The following AFF4 variants were observed in gnomAD, a reference collection of about 807,000 sequenced individuals.
The protein encoded by AFF4 is AF4/FMR2 family member 4.
Under a neutral mutation model 124.8 loss-of-function variants are expected in AFF4, and 13 were observed. The observed-to-expected ratio is 0.10, with a 90% CI of 0.07 to 0.17. The LOEUF is 0.17. AFF4 is among the 10% of genes least tolerant of loss of function. The probability of loss-of-function intolerance (pLI) is 1.00; values close to 1 mark genes in which losing one functional copy is unlikely to be tolerated. For missense variants in AFF4, 1,092 were observed against 1,403.8 expected (o/e 0.78, Z 3.55); for synonymous variants, 477 against 496.1 (o/e 0.96, Z 0.51).
At chr5:132,916,913 G>A (rs960635241) in intron 5 of AFF4, among the ~76,000 whole-genome samples, 7 of 151,774 alleles carry the variant, frequency 4.6e-5, no homozygotes, top group East Asian at 1.9e-4. Flanking sequence ...TTTAACCAAC[G>A]TTTTTTGTTT....
intron 5 of AFF4, among the ~76,000 whole-genome samples, chr5:132,926,001 G>A (rs66500331): frequency 0.12 from 17,545 of 152,096 alleles, 1,286 homozygotes; most frequent in South Asian, 0.2. Context: ...ATACCAAAGA[G>A]AAATGGCTAA....
intron 4 of AFF4, among the ~76,000 whole-genome samples, chr5:132,927,717 T>C (rs1761205130): frequency 6.6e-6 from 1 of 152,212 alleles, no homozygotes; most frequent in African/African-American, 2.4e-5. Flanking sequence ...TTCAAGGCCA[T>C]ACACTTAGTA....
intron 2 of AFF4, among the ~76,000 whole-genome samples, chr5:132,936,402 T>G (rs1561503824): frequency 6.6e-6 from 1 of 151,932 alleles, no homozygotes; most frequent in South Asian, 2.1e-4. Flanking sequence ...AACAAAAATT[T>G]AATGAAAAAA....
At chr5:132,942,263 T>C (rs1761588662) in intron 1 of AFF4, among the ~76,000 whole-genome samples, 1 of 152,138 alleles carries the variant, frequency 6.6e-6, no homozygotes, top group Admixed American at 6.6e-5. Flanking sequence ...ACAGAATTAA[T>C]GGAAACCTGG....
intron 2 of AFF4, among the ~76,000 whole-genome samples, chr5:132,936,092 CCT>C (rs771834794): frequency 6.6e-6 from 1 of 151,224 alleles, no homozygotes; most frequent in Non-Finnish European, 1.5e-5. Flanking sequence ...ATGGTGAAAC[CCT>C]GTCTCTACTA....
In AFF4 at chr5:132,886,394, G is replaced by A. The variant is rs752682575; in HGVS notation, c.3015C>T (p.Cys1005=). The A allele has an allele frequency of 1.1e-5, 17 of 1,613,782 alleles. No individual in the cohort carries two copies. Among genetic ancestry groups the A allele is most frequent in the Admixed American group, 1.7e-5 (1 of 59,940 alleles). ...ACAGCCTCAGGTACAGCAAAGACTC[G>A]CATCGCAGGCTAGCCAATGGAAAAG... is the stretch of plus-strand genomic sequence containing the variant. ...DKRLTVLCLR[C]ESLLYLRLFK... is the part of the protein sequence containing the mutation. The change falls in exon 18 of 21, where the codon TGC becomes TGT. Residue 1005 remains cysteine, a synonymous_variant. Coordinates refer to ENST00000265343, the MANE Select transcript of AFF4 (RefSeq NM_014423.4).
chr5:132,940,321 A>G (rs2150103205), intron 1 of AFF4, among the ~76,000 whole-genome samples: 1 of 151,818 alleles, frequency 6.6e-6, no homozygotes, highest in South Asian at 2.1e-4. Context: ...ACACAGTGAA[A>G]CCCCATCTCT....
At chr5:132,899,294 A>C (rs1383998534) in intron 8 of AFF4, among the ~76,000 whole-genome samples, 153 bp from the exon 9 acceptor site, 1 of 152,240 alleles carries the variant, frequency 6.6e-6, no homozygotes, top group Non-Finnish European at 1.5e-5. Context: ...CTGAAGAGTA[A>C]CTGAATTGCC....
Position 132,934,830 on chromosome 5 carries a change from T to C in AFF4, c.235A>G (p.Lys79Glu), listed in dbSNP as rs1561502914. 4 of 1,614,178 alleles carry C rather than the reference T, an allele frequency of 2.5e-6. No individual in the cohort carries two copies. The highest frequency in any genetic ancestry group is 2.5e-6 in the Non-Finnish European group (3 of 1,180,030). The part of the protein sequence containing the change: ...RSIPKLVAIP[K>E]PTVPPSADEK... The stretch of plus-strand genomic sequence containing the variant: ...TCTGCTGATGGTGGTACTGTAGGCT[T>C]GGGAATTGCAACAAGCTTTGGTATA... The change falls in exon 3 of 21, where the codon AAG becomes GAG. Residue 79 changes from lysine to glutamate, a missense_variant. Around this residue, in one of 11 missense-constraint regions of AFF4, gnomAD observed 35 missense variants for 70.9 expected, o/e 0.49. Coordinates refer to ENST00000265343, the MANE Select transcript of AFF4 (RefSeq NM_014423.4).
At chr5:132,952,892 T>C (rs1761877892) in intron 1 of AFF4, among the ~76,000 whole-genome samples, 1 of 149,014 alleles carries the variant, frequency 6.7e-6, no homozygotes. Context: ...AGTGAGACTC[T>C]GTCTCAAACA....
chr5:132,953,202 A>G (rs1250208555), intron 1 of AFF4, among the ~76,000 whole-genome samples: 2 of 151,934 alleles, frequency 1.3e-5, no homozygotes, highest in Admixed American at 6.6e-5. Context: ...TTTTAATCCC[A>G]AAGGCTTCAA....
intron 5 of AFF4, among the ~76,000 whole-genome samples, chr5:132,907,214 C>G (rs1395789341): frequency 6.6e-6 from 1 of 152,154 alleles, no homozygotes; most frequent in Non-Finnish European, 1.5e-5. Context: ...CTTCCTAGCT[C>G]TAGTTTATCT....
Position 132,877,386 on chromosome 5 carries a change from A to G in AFF4, c.*3673T>C, listed in dbSNP as rs1421126685. ...AACAATCTAAAGGAATACACATTGC[A>G]CCCTTGAACATTAATATTCAAGGTG... On this transcript the variant is annotated 3_prime_UTR_variant, in exon 21 of 21. Transcript: ENST00000265343. The G allele has an allele frequency of 1.4e-5, 3 of 217,074 alleles. No homozygotes were observed. Among genetic ancestry groups the G allele is most frequent in the African/African-American group, 6.7e-5 (3 of 44,466 alleles). 13.4% of individuals were successfully genotyped at this position (217,074 alleles called of 1,614,324 possible). A position where few individuals can be genotyped will look rare whatever the true frequency, so the allele number is the denominator to read the frequency against.
rs1433483742 is a variant in AFF4, at chr5:132,897,249, CAG to C, written c.1390-11_1390-10del. On this transcript the variant is annotated splice_polypyrimidine_tract_variant and intron_variant, in intron 10 of 20. Coordinates refer to ENST00000265343, the MANE Select transcript of AFF4 (RefSeq NM_014423.4). ...GTTGGCGGGGGTTCAGGCTGAAAAA[CAG>C]AGAAATATGTATGCTTTTTTCGATA... 3.7e-6 allele frequency: 6 copies of C among 1,609,182 alleles called. No individual in the cohort carries two copies. Among genetic ancestry groups the C allele is most frequent in the East Asian group, 2.2e-5 (1 of 44,804 alleles).
At position 132,883,394 on chromosome 5, in the gene AFF4, G is replaced by A. The variant is rs1346113741; in HGVS notation, c.3310C>T (p.Leu1104Phe). The A allele has an allele frequency of 6.2e-7, 1 of 1,614,078 alleles. No homozygotes were observed. The highest frequency in any genetic ancestry group is 8.5e-7 in the Non-Finnish European group (1 of 1,180,026). The stretch of plus-strand genomic sequence containing the variant: ...TGGTCCCAAATTTCGGTGGCATAGA[G>A]GAAGTTGGATGTGACCTGAACATAG... ...ASYVQVTSNF[L>F]YATEIWDQAE... Residue 1104 changes from leucine (L) to phenylalanine (F), a missense_variant, in exon 20 of 21, where the codon CTC becomes TTC. Physicochemically the swap from Leu to Phe is conservative, Grantham distance 22. Coordinates refer to ENST00000265343, the MANE Select transcript of AFF4 (RefSeq NM_014423.4).
intron 1 of AFF4, 26 bp from the exon 2 acceptor site, chr5:132,937,219 A>G: frequency 1.3e-6 from 2 of 1,578,442 alleles, no homozygotes; most frequent in Middle Eastern, 3.5e-4. Context: ...CAATCTTTGT[A>G]TCACAGAAAT....
At position 132,875,871 on chromosome 5, in the gene AFF4, G is replaced by A. The variant is rs946932297; in HGVS notation, c.*5188C>T. On this transcript the variant is annotated 3_prime_UTR_variant, in exon 21 of 21. Transcript: ENST00000265343. ...AATGTAAAACAAAGATTTGGTTCAT[G>A]TACAAAACAAAGGCATCCTTATCAG... is the stretch of plus-strand genomic sequence containing the variant. 1 of 223,150 alleles carries A rather than the reference G, an allele frequency of 4.5e-6. No individual in the cohort carries two copies. Among genetic ancestry groups the A allele is most frequent in the African/African-American group, 2.2e-5 (1 of 44,786 alleles). 13.8% of individuals were successfully genotyped at this position (223,150 alleles called of 1,614,324 possible). A position where few individuals can be genotyped will look rare whatever the true frequency, so the allele number is the denominator to read the frequency against.
chr5:132,938,106 T>G (rs1037509153), intron 1 of AFF4, among the ~76,000 whole-genome samples: 10 of 150,734 alleles, frequency 6.6e-5, no homozygotes, highest in Admixed American at 6.6e-4. Context: ...CTGGTTTTGT[T>G]TTTTTTTTTA....
rs55844143 is a variant in AFF4 at position 132,904,421 on chromosome 5, T to A, written c.1051-17A>T. On this transcript the variant is annotated splice_polypyrimidine_tract_variant and intron_variant, in intron 5 of 20. Transcript: ENST00000265343. ...CTGAGACTCCTAAGAAAAAGGAACA[T>A]AAAATTATACAAAGTTACACTAAAA... The A allele has an allele frequency of 4.6e-5, 74 of 1,600,204 alleles. No individual in the cohort carries two copies. The highest frequency in any genetic ancestry group is 5.8e-5 in the Non-Finnish European group (68 of 1,173,468).
Sources: gnomAD v4.1 joint callset for allele counts (sites outside exome capture counted in the v4.1 genomes callset) on GRCh38, gnomAD v4.1.1 for gene constraint, gnomAD v4.1.1 regional missense constraint, MANE v1.5 for transcripts, NCBI Gene and HGNC (gene_info 2026-07-23, HGNC 2026-07-21) for gene names.